Variants in FSTL5 observed in about 807,000 individuals in gnomAD.
FSTL5 encodes the protein follistatin-related protein 5.
A neutral mutation model predicts 89.1 loss-of-function variants in FSTL5; 62 were observed. The ratio of observed to expected loss-of-function variants is 0.70; its 90% CI spans 0.57 to 0.86. The LOEUF (loss-of-function observed/expected upper bound fraction) is 0.86. FSTL5 is among the 40% of genes least tolerant of loss of function. The probability of loss-of-function intolerance (pLI) is 0.00; values close to 1 mark genes in which losing one functional copy is unlikely to be tolerated. For missense variants in FSTL5, 1,057 were observed against 1,001.6 expected, an observed-to-expected ratio of 1.06 and a Z score of -0.75; for synonymous variants, 383 against 346.2, an observed-to-expected ratio of 1.11 and a Z score of -1.18.
At chr4:162,155,410 G>C (rs1733428242) in intron 1 of FSTL5, among the ~76,000 whole-genome samples, 1 of 152,108 alleles carries the variant, frequency 6.6e-6, no homozygotes, top group African/African-American at 2.4e-5. Context: ...AAAAACCCAG[G>C]GCTGGCAGAA....
At chr4:161,671,535 A>G (rs941606267) in intron 6 of FSTL5, among the ~76,000 whole-genome samples, 1 of 152,152 alleles carries the variant, frequency 6.6e-6, no homozygotes, top group Non-Finnish European at 1.5e-5. Flanking sequence ...TGCTGCTTTT[A>G]CGTTCCTTAG....
At chr4:161,757,198 C>T (rs567964515) in intron 6 of FSTL5, among the ~76,000 whole-genome samples, 1 of 152,198 alleles carries the variant, frequency 6.6e-6, no homozygotes, top group South Asian at 2.1e-4. Context: ...TTTAAATTCA[C>T]TTGTCCTTAA....
chr4:161,870,130 T>A (rs1168914245), intron 4 of FSTL5, among the ~76,000 whole-genome samples: 1 of 152,176 alleles, frequency 6.6e-6, no homozygotes, highest in Non-Finnish European at 1.5e-5. Flanking sequence ...TTTTGAACTA[T>A]CTCCCTTGCT....
chr4:161,440,664 T>G (rs1243567462), intron 15 of FSTL5, among the ~76,000 whole-genome samples: 1 of 152,136 alleles, frequency 6.6e-6, no homozygotes, highest in African/African-American at 2.4e-5. Flanking sequence ...CTGGATTTGC[T>G]AGATAATCAC....
intron 1 of FSTL5, among the ~76,000 whole-genome samples, chr4:162,138,829 C>T (rs1389327723): frequency 6.6e-6 from 1 of 151,962 alleles, no homozygotes; most frequent in Non-Finnish European, 1.5e-5. Flanking sequence ...CTTTAGACTA[C>T]CACATTCCAT....
intron 15 of FSTL5, among the ~76,000 whole-genome samples, chr4:161,435,578 T>C (rs1231127347): frequency 1.3e-5 from 2 of 151,414 alleles, no homozygotes; most frequent in Non-Finnish European, 3.0e-5. Context: ...TAAAAGAGTA[T>C]AACTGGATTG....
intron 1 of FSTL5, among the ~76,000 whole-genome samples, chr4:162,118,662 T>C (rs1579042701): frequency 6.6e-6 from 1 of 152,332 alleles, no homozygotes; most frequent in East Asian, 1.9e-4. Flanking sequence ...TTGTACCAGC[T>C]GCAAATACTT....
At position 161,560,408 on chromosome 4, in the gene FSTL5, A is replaced by G. The variant is rs539983054; in HGVS notation, c.1016-17715T>C. ...TCAGGCTATATTAGATTTATAAAAA[A>G]ACTTTCTTTCTTCAATAATAAATTT... On this transcript the variant is annotated intron_variant, in intron 8 of 15. Transcript: ENST00000306100. 2.7e-3 allele frequency among the ~76,000 whole-genome samples: 408 copies of G among 151,972 alleles called. 2 individuals carry two copies. Among genetic ancestry groups the G allele is most frequent in the African/African-American group, 9.3e-3 (386 of 41,520 alleles).
chr4:161,635,122 C>T (rs1735640885), intron 7 of FSTL5, among the ~76,000 whole-genome samples: 2 of 152,130 alleles, frequency 1.3e-5, no homozygotes, highest in Admixed American at 1.3e-4. Flanking sequence ...GGCGCAGTGG[C>T]TCACCCCTGT....
intron 15 of FSTL5, among the ~76,000 whole-genome samples, chr4:161,402,549 G>A (rs1482145934): frequency 6.6e-6 from 1 of 152,144 alleles, no homozygotes; most frequent in Admixed American, 6.6e-5. Context: ...AAATTACTCA[G>A]ATTCTCTTTG....
intron 3 of FSTL5, among the ~76,000 whole-genome samples, chr4:161,955,216 A>G (rs1734996854): frequency 6.6e-6 from 1 of 151,708 alleles, no homozygotes; most frequent in South Asian, 2.1e-4. Context: ...AATGTCCCCT[A>G]CAGATAATGG....
At chr4:161,555,334 G>A (rs1452637912) in intron 8 of FSTL5, among the ~76,000 whole-genome samples, 1 of 151,322 alleles carries the variant, frequency 6.6e-6, no homozygotes, top group Non-Finnish European at 1.5e-5. Flanking sequence ...AATGCTCTCT[G>A]AAACACAAAA....
intron 6 of FSTL5, among the ~76,000 whole-genome samples, chr4:161,701,774 T>A (rs1579032900): frequency 6.6e-6 from 1 of 152,238 alleles, no homozygotes; most frequent in East Asian, 1.9e-4. Context: ...AGTGGCTTAT[T>A]CAGATGTTAC....
intron 7 of FSTL5, among the ~76,000 whole-genome samples, chr4:161,642,570 G>A (rs1355986309): frequency 6.6e-6 from 1 of 151,976 alleles, no homozygotes; most frequent in Non-Finnish European, 1.5e-5. Flanking sequence ...AATTTAAAAA[G>A]GTTACGATAT....
intron 15 of FSTL5, among the ~76,000 whole-genome samples, chr4:161,451,039 C>A: frequency 1.3e-5 from 2 of 152,104 alleles, no homozygotes; most frequent in African/African-American, 2.4e-5. Context: ...CCACTGAGCC[C>A]GGCCCATTCA....
chr4:161,586,741 AAG>A (rs1733631044), intron 8 of FSTL5, among the ~76,000 whole-genome samples: 1 of 152,176 alleles, frequency 6.6e-6, no homozygotes, highest in East Asian at 1.9e-4. Flanking sequence ...GATCTGCCCC[AAG>A]GCTACCTCTG....
chr4:161,729,983 T>A (rs564917605), intron 6 of FSTL5, among the ~76,000 whole-genome samples: 54 of 152,338 alleles, frequency 3.5e-4, no homozygotes, highest in African/African-American at 1.3e-3. Context: ...ATAAACACAC[T>A]AGTGTATATG....
chr4:161,596,707 A>T (rs1420540479), intron 7 of FSTL5, among the ~76,000 whole-genome samples: 1 of 152,172 alleles, frequency 6.6e-6, no homozygotes, highest in African/African-American at 2.4e-5. Flanking sequence ...AAGTTTTATA[A>T]ATGTGGTTTG....
intron 8 of FSTL5, among the ~76,000 whole-genome samples, chr4:161,582,917 G>T (rs1733485934): frequency 6.6e-6 from 1 of 152,172 alleles, no homozygotes; most frequent in African/African-American, 2.4e-5. Flanking sequence ...GCCGGGTGTG[G>T]TGGCTCATGC....
Sources: allele counts gnomAD v4.1 joint callset (sites outside exome capture counted in the v4.1 genomes callset), GRCh38; gene constraint gnomAD v4.1.1; transcripts MANE v1.5; gene names NCBI Gene and HGNC (gene_info 2026-07-23, HGNC 2026-07-21).